Variants in TTC7B observed in about 807,000 individuals in gnomAD.
TTC7B encodes the protein tetratricopeptide repeat domain 7B.
In TTC7B, 28 loss-of-function variants were observed where a neutral mutation model predicts 106.8. The observed-to-expected ratio is 0.26, with a 90% CI of 0.19 to 0.36. The LOEUF (loss-of-function observed/expected upper bound fraction) is 0.36, where lower values mean the gene tolerates loss of function less well. Among genes scored for constraint, TTC7B ranks in the 10% least tolerant of loss-of-function variants. TTC7B has a pLI of 1.00. For missense variants in TTC7B, 862 were observed against 1,076.4 expected, an observed-to-expected ratio of 0.80 and a Z score of 2.79; for synonymous variants, 405 against 430.6, an observed-to-expected ratio of 0.94 and a Z score of 0.74.
chr14:90,572,831 T>A (rs1158995153), intron 19 of TTC7B, among the ~76,000 whole-genome samples: 1 of 152,080 alleles, frequency 6.6e-6, no homozygotes, highest in Non-Finnish European at 1.5e-5. Flanking sequence ...TGATCCAAGC[T>A]CCCTGCCAAA....
At chr14:90,739,776 T>C (rs1889686266) in intron 4 of TTC7B, among the ~76,000 whole-genome samples, 1 of 152,218 alleles carries the variant, frequency 6.6e-6, no homozygotes, top group African/African-American at 2.4e-5. Flanking sequence ...AAGAGAGCCA[T>C]AACCAGCTGG....
intron 15 of TTC7B, among the ~76,000 whole-genome samples, chr14:90,628,767 T>C (rs1433662341): frequency 6.6e-6 from 1 of 152,270 alleles, no homozygotes; most frequent in Non-Finnish European, 1.5e-5. Flanking sequence ...CTGTGAATCC[T>C]GGCCTGTTTT....
chr14:90,612,091 C>T (rs1483657815), intron 16 of TTC7B, among the ~76,000 whole-genome samples: 1 of 152,206 alleles, frequency 6.6e-6, no homozygotes, highest in Non-Finnish European at 1.5e-5. Flanking sequence ...GCAATTTCCA[C>T]GTCCAGCGAT....
At chr14:90,795,876 G>A (rs1210735733) in intron 1 of TTC7B, among the ~76,000 whole-genome samples, 4 of 152,136 alleles carry the variant, frequency 2.6e-5, no homozygotes, top group Admixed American at 6.5e-5. Context: ...GAGCTCATAC[G>A]AAGTGCCATG....
chr14:90,748,644 T>C (rs1890044135), intron 3 of TTC7B, among the ~76,000 whole-genome samples: 1 of 152,176 alleles, frequency 6.6e-6, no homozygotes, highest in African/African-American at 2.4e-5. Flanking sequence ...TAAATGATAT[T>C]ATACTACTTC....
intron 15 of TTC7B, among the ~76,000 whole-genome samples, chr14:90,622,117 T>C (rs948853502): frequency 1.3e-4 from 7 of 55,668 alleles, no homozygotes; most frequent in Admixed American, 1.8e-4. Context: ...ATGATTCTAA[T>C]TTTTTTTTTT....
intron 3 of TTC7B, among the ~76,000 whole-genome samples, chr14:90,766,083 G>A (rs1232448862): frequency 2.0e-5 from 3 of 150,278 alleles, no homozygotes; most frequent in African/African-American, 7.4e-5. Flanking sequence ...GACCTAAGAA[G>A]ACCTCAAATA....
Position 90,541,446 on chromosome 14 carries a change from C to T in TTC7B, c.2454G>A (p.Thr818=), listed in dbSNP as rs769313227. The change falls in exon 20 of 20, where the codon ACG becomes ACA. Residue 818 remains threonine (T), a synonymous_variant. Transcript: ENST00000328459. ...GCTCCAAGGCTGTCAGGAAGCACTCCGTAGCCGCCGCATCGTTGCCCTGAG... is the reference window on the plus strand; with the variant it reads ...GCTCCAAGGCTGTCAGGAAGCACTCTGTAGCCGCCGCATCGTTGCCCTGAG... ...LQAQGNDAAA[T]ECFLTALELE... 4.6e-5 allele frequency: 74 copies of T among 1,613,566 alleles called. No homozygotes were observed. In the Middle Eastern group the frequency reaches 2.6e-3, roughly 58 times the overall value.
At chr14:90,715,710 C>T (rs1015621149) in intron 5 of TTC7B, among the ~76,000 whole-genome samples, 1 of 152,170 alleles carries the variant, frequency 6.6e-6, no homozygotes. Flanking sequence ...CAGTGCTGCA[C>T]AACTCTGCCT....
At chr14:90,770,258 C>T (rs1890818930) in intron 3 of TTC7B, among the ~76,000 whole-genome samples, 1 of 152,084 alleles carries the variant, frequency 6.6e-6, no homozygotes. Context: ...TAATTACAGA[C>T]CATCAAAATA....
intron 16 of TTC7B, among the ~76,000 whole-genome samples, chr14:90,616,007 G>A (rs150585408): frequency 6.6e-6 from 1 of 152,282 alleles, no homozygotes; most frequent in East Asian, 1.9e-4. Flanking sequence ...CAGGCATTTG[G>A]TTAAGTATTT....
chr14:90,562,107 A>G (rs1346895152), intron 19 of TTC7B, among the ~76,000 whole-genome samples: 1 of 152,068 alleles, frequency 6.6e-6, no homozygotes, highest in African/African-American at 2.4e-5. Flanking sequence ...CCATCGCCCC[A>G]GCCCGGCCAT....
At chr14:90,619,070 A>C (rs1436333909) in intron 15 of TTC7B, among the ~76,000 whole-genome samples, 1 of 152,060 alleles carries the variant, frequency 6.6e-6, no homozygotes. Context: ...CGTCCGGCTA[A>C]TTTTTGTATT....
At chr14:90,619,246 G>A (rs1166243358) in intron 15 of TTC7B, among the ~76,000 whole-genome samples, 2 of 152,138 alleles carry the variant, frequency 1.3e-5, no homozygotes, top group African/African-American at 4.8e-5. Flanking sequence ...TACTTATACT[G>A]TCTGTAATAA....
intron 13 of TTC7B, among the ~76,000 whole-genome samples, chr14:90,652,467 T>C (rs1468327123): frequency 7.1e-6 from 1 of 141,428 alleles, no homozygotes; most frequent in Non-Finnish European, 1.5e-5. Context: ...TACAAAAACC[T>C]GCAGTTTGAC....
intron 4 of TTC7B, among the ~76,000 whole-genome samples, chr14:90,731,584 T>C (rs1889332077): frequency 6.6e-6 from 1 of 152,182 alleles, no homozygotes; most frequent in South Asian, 2.1e-4. Context: ...TTATAGAAAT[T>C]GCCCAGCTCC....
At chr14:90,553,853 G>A (rs183435850) in intron 19 of TTC7B, among the ~76,000 whole-genome samples, 3 of 152,344 alleles carry the variant, frequency 2.0e-5, no homozygotes, top group Admixed American at 6.5e-5. Context: ...ATATGAGCAC[G>A]GCTTTGACTT....
chr14:90,697,748 T>G (rs1233882007), intron 5 of TTC7B: 1 of 152,200 alleles, frequency 6.6e-6, no homozygotes. Flanking sequence ...GTTTCTCCCA[T>G]GCAGGACCGA....
rs759133246 is a variant in TTC7B, at chr14:90,608,107, G to C, written c.1966+2635C>G. ...GTTCGCAAGGCGGGCTCTCCACACA[G>C]GTGTGTGAATGACAGCATCTGCCCC... On this transcript the variant is annotated intron_variant, in intron 17 of 19. Coordinates refer to ENST00000328459, the MANE Select transcript of TTC7B (RefSeq NM_001010854.2). The surrounding 1 kb of genome is among the most constrained non-coding windows in gnomAD (Gnocchi z 5.1). Among the ~76,000 whole-genome samples, 9 of 152,200 alleles carry C rather than the reference G, an allele frequency of 5.9e-5. No homozygotes were observed. The highest frequency in any genetic ancestry group is 1.3e-4 in the Non-Finnish European group (9 of 68,040).
Sources: allele counts gnomAD v4.1 joint callset (sites outside exome capture counted in the v4.1 genomes callset), GRCh38; gene constraint gnomAD v4.1.1; non-coding constraint Gnocchi (gnomAD v3.1); transcripts MANE v1.5; gene names NCBI Gene and HGNC (gene_info 2026-07-23, HGNC 2026-07-21).